The following JARID2 variants were observed in gnomAD, a reference collection of about 807,000 sequenced individuals.
JARID2 encodes protein Jumonji.
In JARID2, 21 loss-of-function variants were observed where a neutral mutation model predicts 125.6. That is an observed-to-expected ratio of 0.17 (90% CI 0.12 to 0.24). The LOEUF is 0.24. Ranked by LOEUF, JARID2 falls within the 10% of genes least tolerant of loss-of-function variation. JARID2 has a pLI of 1.00. For missense variants in JARID2, 1,303 were observed against 1,639.6 expected, an observed-to-expected ratio of 0.79 and a Z score of 3.55; for synonymous variants, 736 against 661.6, an observed-to-expected ratio of 1.11 and a Z score of -1.73.
chr6:15,255,012 AC>A (rs1401111099), intron 1 of JARID2, among the ~76,000 whole-genome samples: 2 of 151,348 alleles, frequency 1.3e-5, no homozygotes, highest in South Asian at 2.1e-4. Flanking sequence ...TCCAAAAAAA[AC>A]AAAACAAAAA....
chr6:15,289,199 A>C (rs1761111507), intron 1 of JARID2, among the ~76,000 whole-genome samples: 1 of 152,184 alleles, frequency 6.6e-6, no homozygotes, highest in African/African-American at 2.4e-5. Context: ...GGGACACAAG[A>C]ATAATGAAGA....
At chr6:15,392,804 C>T (rs568570741) in intron 2 of JARID2, among the ~76,000 whole-genome samples, 2 of 150,742 alleles carry the variant, frequency 1.3e-5, no homozygotes, top group Non-Finnish European at 1.5e-5. Context: ...CATGCCTCAT[C>T]CTCCCAGGTA....
At chr6:15,313,260 A>G (rs1297949489) in intron 1 of JARID2, among the ~76,000 whole-genome samples, 1 of 152,180 alleles carries the variant, frequency 6.6e-6, no homozygotes, top group African/African-American at 2.4e-5. Context: ...TGGATGAGAA[A>G]GTCCCATTCT....
chr6:15,388,674 C>T (rs1187167878), intron 2 of JARID2, among the ~76,000 whole-genome samples: 1 of 151,314 alleles, frequency 6.6e-6, no homozygotes, highest in African/African-American at 2.4e-5. Context: ...AGTGACATCC[C>T]ATTCTTGATT....
chr6:15,514,108 C>G (rs1771428452), intron 16 of JARID2, among the ~76,000 whole-genome samples: 3 of 152,356 alleles, frequency 2.0e-5, no homozygotes, highest in East Asian at 1.9e-4. Context: ...CCTCCTCCCC[C>G]TGCTCACCCC....
intron 1 of JARID2, among the ~76,000 whole-genome samples, chr6:15,257,519 C>G (rs932712065): frequency 6.6e-5 from 10 of 152,198 alleles, no homozygotes; most frequent in African/African-American, 2.4e-4. Context: ...ATTTTCTTGA[C>G]TCATCTCTTC....
intron 2 of JARID2, among the ~76,000 whole-genome samples, chr6:15,405,300 C>T (rs1765602641): frequency 6.6e-6 from 1 of 152,162 alleles, no homozygotes; most frequent in South Asian, 2.1e-4. Flanking sequence ...GTGAAAAGCT[C>T]CTGAATGTGC....
intron 3 of JARID2, among the ~76,000 whole-genome samples, chr6:15,422,175 T>C (rs1766524007): frequency 6.6e-6 from 1 of 152,164 alleles, no homozygotes; most frequent in African/African-American, 2.4e-5. Context: ...CTGACTGTTG[T>C]TTCAGGTAGC....
chr6:15,260,199 G>T (rs962997461), intron 1 of JARID2, among the ~76,000 whole-genome samples: 4 of 152,124 alleles, frequency 2.6e-5, no homozygotes, highest in African/African-American at 9.7e-5. Context: ...ACAGTGCAGG[G>T]GGCCAGGGAG....
At chr6:15,395,334 C>T (rs888220674) in intron 2 of JARID2, among the ~76,000 whole-genome samples, 1 of 152,060 alleles carries the variant, frequency 6.6e-6, no homozygotes, top group African/African-American at 2.4e-5. Flanking sequence ...TTGCTCTTGT[C>T]GCCCAGGCTG....
In JARID2 at chr6:15,520,857, G is replaced by A; in HGVS notation, c.*606G>A. 1 of 455,780 alleles carries A rather than the reference G, an allele frequency of 2.2e-6. No homozygotes were observed. The highest frequency in any genetic ancestry group is 2.0e-5 in the African/African-American group (1 of 50,138). 28.2% of individuals were successfully genotyped at this position (455,780 alleles called of 1,614,324 possible). On this transcript the variant is annotated 3_prime_UTR_variant, in exon 18 of 18. Transcript: ENST00000341776. ...TGTTTCCTAACCATAGGTGGAACGA[G>A]GAGACGGGAGCGAGTGGGCTCTCCA...
intron 1 of JARID2, among the ~76,000 whole-genome samples, chr6:15,343,005 G>A (rs958255453): frequency 2.6e-5 from 4 of 151,984 alleles, no homozygotes; most frequent in Admixed American, 1.3e-4. Flanking sequence ...TGTTTTGGGC[G>A]GGTTACCTGA....
chr6:15,349,365 CTAAT>C (rs1325855416), intron 1 of JARID2, among the ~76,000 whole-genome samples: 1 of 152,118 alleles, frequency 6.6e-6, no homozygotes, highest in Non-Finnish European at 1.5e-5. Flanking sequence ...ATTGTGTGCC[CTAAT>C]TAGTTACGTG....
intron 3 of JARID2, among the ~76,000 whole-genome samples, chr6:15,423,692 C>T (rs948568614): frequency 4.6e-5 from 7 of 152,172 alleles, no homozygotes; most frequent in Admixed American, 3.9e-4. Context: ...CTGGGCTGAG[C>T]ACGTACGTTT....
intron 8 of JARID2, among the ~76,000 whole-genome samples, chr6:15,504,146 C>G (rs1384412600): frequency 6.6e-6 from 1 of 152,188 alleles, no homozygotes; most frequent in Non-Finnish European, 1.5e-5. Context: ...CAGCCTTTGT[C>G]AGCTGAGGGA....
intron 1 of JARID2, among the ~76,000 whole-genome samples, chr6:15,341,054 A>G (rs963992354): frequency 6.6e-6 from 1 of 152,216 alleles, no homozygotes; most frequent in East Asian, 1.9e-4. Flanking sequence ...TTCAAAAGGA[A>G]GTCTTTTCTT....
chr6:15,352,324 G>T (rs182042103), intron 1 of JARID2, among the ~76,000 whole-genome samples: 1 of 152,004 alleles, frequency 6.6e-6, no homozygotes, highest in Non-Finnish European at 1.5e-5. Flanking sequence ...TCTCCACCCC[G>T]TTCTTAATAT....
chr6:15,338,013 G>A (rs74784485), intron 1 of JARID2, among the ~76,000 whole-genome samples: 2 of 152,280 alleles, frequency 1.3e-5, no homozygotes, highest in East Asian at 1.9e-4. Context: ...ACGGAAGGAC[G>A]CCATGCTTCA....
chr6:15,283,123 C>T lies in JARID2; in HGVS notation c.45+36539C>T, dbSNP rs554372351. Among the ~76,000 whole-genome samples, 408 of 151,170 alleles carry T rather than the reference C, an allele frequency of 2.7e-3. 2 individuals carry two copies. The highest frequency in any genetic ancestry group is 8.6e-3 in the African/African-American group (353 of 41,206). On this transcript the variant is annotated intron_variant, in intron 1 of 17. Transcript: ENST00000341776. The stretch of plus-strand genomic sequence containing the variant: ...CCTCCCGAGTAGCTGGGACTACAGG[C>T]GCCCGCCACCACGCCCGGCTAATTT...
Sources: gnomAD v4.1 joint callset for allele counts (sites outside exome capture counted in the v4.1 genomes callset) on GRCh38, gnomAD v4.1.1 for gene constraint, MANE v1.5 for transcripts, NCBI Gene and HGNC (gene_info 2026-07-23, HGNC 2026-07-21) for gene names.